MACROD2: variants seen among roughly 807,000 people sequenced by gnomAD.
MACROD2 encodes mono-ADP ribosylhydrolase 2.
A neutral mutation model predicts 70.4 loss-of-function variants in MACROD2; 36 were observed. The observed-to-expected ratio is 0.51, with a 90% CI of 0.39 to 0.68. The LOEUF is 0.68. Among genes scored for constraint, MACROD2 ranks in the 30% least tolerant of loss-of-function variants. The pLI is 0.00. For synonymous variants in MACROD2, 172 were observed against 178.8 expected (o/e 0.96, Z 0.30); for missense variants, 496 against 538.4 (o/e 0.92, Z 0.78).
chr20:14,764,929 G>C (rs2072066574), intron 5 of MACROD2, among the ~76,000 whole-genome samples: 1 of 152,048 alleles, frequency 6.6e-6, no homozygotes, highest in African/African-American at 2.4e-5. Flanking sequence ...TCTCCACCCT[G>C]TCCAGCTAAA....
rs565167731 is a variant in MACROD2 at position 14,285,041 on chromosome 20, A to G, written c.271+199313A>G. Among the ~76,000 whole-genome samples, 5 of 151,826 alleles carry G rather than the reference A, an allele frequency of 3.3e-5. No individual in the cohort carries two copies. The South Asian group carries it at 8.3e-4, about 25-fold the overall frequency. The stretch of plus-strand genomic sequence containing the variant: ...ATAAATCTGTTATTTGGAACTCTAT[A>G]GTAACCAACAAAGCCCAGATTCTCT... On this transcript the variant is annotated intron_variant, in intron 3 of 17. Transcript: ENST00000684519.
chr20:14,804,744 C>T (rs766712452), intron 5 of MACROD2, among the ~76,000 whole-genome samples: 5 of 151,960 alleles, frequency 3.3e-5, no homozygotes, highest in Admixed American at 1.3e-4. Flanking sequence ...CTCCTGTTGC[C>T]GTGGTCACTA....
intron 5 of MACROD2, among the ~76,000 whole-genome samples, chr20:14,976,968 A>G (rs562891454): frequency 6.6e-6 from 1 of 152,322 alleles, no homozygotes; most frequent in East Asian, 1.9e-4. Context: ...TAACTAGAAG[A>G]GTGCTGCCCA....
chr20:15,256,892 T>A (rs1045460577), intron 6 of MACROD2, among the ~76,000 whole-genome samples: 1 of 151,988 alleles, frequency 6.6e-6, no homozygotes, highest in South Asian at 2.1e-4. Flanking sequence ...GTACTATAAA[T>A]TGTTGGCAGC....
At chr20:15,643,311 T>A (rs1004630796) in intron 8 of MACROD2, among the ~76,000 whole-genome samples, 26 of 152,232 alleles carry the variant, frequency 1.7e-4, no homozygotes, top group African/African-American at 6.0e-4. Context: ...CAACTTACCC[T>A]CTTCGTCACC....
intron 3 of MACROD2, among the ~76,000 whole-genome samples, chr20:14,231,148 T>A (rs185969261): frequency 5.5e-4 from 84 of 152,082 alleles, no homozygotes; most frequent in South Asian, 5.4e-3. Context: ...CTTTTTTTTT[T>A]AAATTATACT....
chr20:14,422,122 T>C (rs372117975), intron 3 of MACROD2, among the ~76,000 whole-genome samples: 13 of 152,278 alleles, frequency 8.5e-5, no homozygotes, highest in African/African-American at 3.1e-4. Flanking sequence ...TTATATATTT[T>C]TGATGAATTG....
At chr20:15,295,019 A>T (rs2077573651) in intron 6 of MACROD2, among the ~76,000 whole-genome samples, 1 of 152,196 alleles carries the variant, frequency 6.6e-6, no homozygotes, top group African/African-American at 2.4e-5. Context: ...TAGCTCCCAT[A>T]ATCCCCACAT....
intron 3 of MACROD2, among the ~76,000 whole-genome samples, chr20:14,269,104 C>A (rs2082168754): frequency 6.6e-6 from 1 of 152,128 alleles, no homozygotes; most frequent in African/African-American, 2.4e-5. Flanking sequence ...TTTGGTGATA[C>A]GAGCTGCTTT....
intron 9 of MACROD2, among the ~76,000 whole-genome samples, chr20:15,884,915 G>A (rs2064803666): frequency 6.6e-6 from 1 of 152,054 alleles, no homozygotes; most frequent in East Asian, 1.9e-4. Context: ...CATGCATGGA[G>A]GAAGGGGTGA....
chr20:15,869,238 T>TATATATATATATATAGAGAG, intron 9 of MACROD2, among the ~76,000 whole-genome samples: 14 of 28,290 alleles, frequency 4.9e-4, no homozygotes, highest in East Asian at 9.4e-4. Context: ...TATATATATA[T>TATATATATATATATAGAGAG]AGAGAGAGAG....
At chr20:15,389,240 G>A (rs1291582142) in intron 6 of MACROD2, among the ~76,000 whole-genome samples, 1 of 152,190 alleles carries the variant, frequency 6.6e-6, no homozygotes, top group Non-Finnish European at 1.5e-5. Context: ...GATAAACAGT[G>A]AATAAAAGTA....
intron 8 of MACROD2, among the ~76,000 whole-genome samples, chr20:15,553,096 T>G (rs979512551): frequency 4.6e-5 from 7 of 152,232 alleles, no homozygotes; most frequent in Non-Finnish European, 1.0e-4. Context: ...AATTATTCTT[T>G]TTAGATCTAT....
chr20:14,382,967 C>A (rs547398239), intron 3 of MACROD2, among the ~76,000 whole-genome samples: 2 of 152,188 alleles, frequency 1.3e-5, no homozygotes, highest in South Asian at 4.1e-4. Context: ...TAAAAATGTA[C>A]ATATGTTTGC....
rs1358109072 is a variant in MACROD2, at chr20:15,461,002, ATATAT to A, written c.571+29569_571+29573del. Among the ~76,000 whole-genome samples, 117 of 50,268 alleles carry A rather than the reference ATATAT, an allele frequency of 2.3e-3. 5 individuals are homozygous for A. Among genetic ancestry groups the A allele is most frequent in the Middle Eastern group, 0.025 (2 of 80 alleles). The allele number at this position is 50,268 out of a possible 152,430, so 33.0% of individuals were successfully genotyped here. ...CATATATATATATATATATATATAT[ATATAT>A]TTTTTTTTAATAGATGGGGTCTTGC... On this transcript the variant is annotated intron_variant, in intron 7 of 17. Transcript: ENST00000684519.
chr20:15,377,791 G>T (rs1030303071), intron 6 of MACROD2, among the ~76,000 whole-genome samples: 2 of 152,200 alleles, frequency 1.3e-5, no homozygotes, highest in African/African-American at 4.8e-5. Flanking sequence ...CAGAGAGTCT[G>T]TAGTGAGCCA....
intron 9 of MACROD2, among the ~76,000 whole-genome samples, chr20:15,869,820 C>G (rs962740906): frequency 1.3e-5 from 2 of 152,030 alleles, no homozygotes; most frequent in Non-Finnish European, 2.9e-5. Context: ...TTTAACATAT[C>G]TCAATGTCTA....
intron 7 of MACROD2, among the ~76,000 whole-genome samples, chr20:15,458,107 G>A (rs1443931292): frequency 3.3e-5 from 5 of 152,096 alleles, no homozygotes; most frequent in Admixed American, 2.6e-4. Context: ...CCCAGTAAAA[G>A]GAACTTTGGG....
intron 3 of MACROD2, among the ~76,000 whole-genome samples, chr20:14,251,607 T>C (rs1237516328): frequency 6.6e-6 from 1 of 152,096 alleles, no homozygotes; most frequent in Non-Finnish European, 1.5e-5. Context: ...GGAGCCAAAA[T>C]ATTACCACTA....
Sources: gnomAD v4.1 joint callset for allele counts (sites outside exome capture counted in the v4.1 genomes callset) on GRCh38, gnomAD v4.1.1 for gene constraint, MANE v1.5 for transcripts, NCBI Gene and HGNC (gene_info 2026-07-23, HGNC 2026-07-21) for gene names.